AVL9: variants seen among roughly 807,000 people sequenced by gnomAD.
The protein encoded by AVL9 is late secretory pathway protein AVL9 homolog.
Under a neutral mutation model 79.2 loss-of-function variants are expected in AVL9, and 49 were observed. The ratio of observed to expected loss-of-function variants is 0.62; its 90% CI spans 0.49 to 0.79. The LOEUF (loss-of-function observed/expected upper bound fraction) is 0.79. Ranked by LOEUF, AVL9 falls within the 30% of genes least tolerant of loss-of-function variation. The pLI is 0.00. For missense variants in AVL9, 682 were observed against 776.8 expected (o/e 0.88, Z 1.45); for synonymous variants, 299 against 280.6 (o/e 1.07, Z -0.65).
In AVL9 at chr7:32,586,598, C is replaced by T. The variant is rs1213265949; in HGVS notation, c.*2691C>T. On this transcript the variant is annotated 3_prime_UTR_variant, in exon 16 of 16. Transcript: ENST00000318709. Reference sequence around the variant, plus strand: ...AGCACTAGGTCATCTTCTGACATAGCCCTGGTGAAGGTGTGTGTGTGTTGG... The same window carrying T: ...AGCACTAGGTCATCTTCTGACATAGTCCTGGTGAAGGTGTGTGTGTGTTGG... The T allele has an allele frequency of 6.6e-6, 1 of 152,238 alleles. No individual in the cohort carries two copies. Among genetic ancestry groups the T allele is most frequent in the African/African-American group, 2.4e-5 (1 of 41,446 alleles). 9.4% of individuals were successfully genotyped at this position (152,238 alleles called of 1,614,324 possible).
intron 4 of AVL9, among the ~76,000 whole-genome samples, chr7:32,551,124 C>G (rs1347136287): frequency 6.6e-6 from 1 of 152,170 alleles, no homozygotes; most frequent in Non-Finnish European, 1.5e-5. Flanking sequence ...AAGCACTGTA[C>G]TCAGTGTTTC....
At chr7:32,505,814 A>C (rs1277780818) in intron 1 of AVL9, among the ~76,000 whole-genome samples, 1 of 152,142 alleles carries the variant, frequency 6.6e-6, no homozygotes, top group African/African-American at 2.4e-5. Context: ...CTAAGCAAAC[A>C]TTGTGTCTTA....
intron 1 of AVL9, among the ~76,000 whole-genome samples, chr7:32,530,457 ATACT>A (rs1295408420): frequency 3.3e-5 from 5 of 152,358 alleles, no homozygotes; most frequent in Admixed American, 2.6e-4. Context: ...ATATCTGCAA[ATACT>A]TACGTTTCAA....
At chr7:32,546,234 TA>T (rs949562456) in intron 3 of AVL9, among the ~76,000 whole-genome samples, 10 of 152,116 alleles carry the variant, frequency 6.6e-5, no homozygotes, top group Non-Finnish European at 1.5e-4. Context: ...AATATGCAGG[TA>T]AATTTAAAAC....
rs1466353736 is a variant in AVL9, at chr7:32,583,741, C to T, written c.1832-51C>T. ...TAATTATGTTGGTCTTTCACTGTCT[C>T]GTAACAAAAGTTAAGACATTTTTCC... On this transcript the variant is annotated intron_variant, in intron 15 of 15. Transcript: ENST00000318709. 4.7e-5 allele frequency: 56 copies of T among 1,202,536 alleles called. No homozygotes were observed. The East Asian group carries it at 1.1e-3, about 23-fold the overall frequency. The allele number at this position is 1,202,536 out of a possible 1,614,324, so 74.5% of individuals were successfully genotyped here. A position where few individuals can be genotyped will look rare whatever the true frequency, so the allele number is the denominator to read the frequency against.
At chr7:32,525,874 G>T (rs980992133) in intron 1 of AVL9, among the ~76,000 whole-genome samples, 3 of 151,918 alleles carry the variant, frequency 2.0e-5, no homozygotes, top group Non-Finnish European at 4.4e-5. Flanking sequence ...AACTGTTTTT[G>T]GGGGGGAAAA....
At chr7:32,566,866 G>A (rs1051543676) in intron 10 of AVL9, among the ~76,000 whole-genome samples, 2 of 152,194 alleles carry the variant, frequency 1.3e-5, no homozygotes, top group Non-Finnish European at 2.9e-5. Flanking sequence ...TTGGGTGACA[G>A]AGCCAGACTC....
chr7:32,520,459 G>A (rs930410692), intron 1 of AVL9, among the ~76,000 whole-genome samples: 2 of 152,164 alleles, frequency 1.3e-5, no homozygotes, highest in African/African-American at 4.8e-5. Context: ...GGCATAGGAG[G>A]TTATTCCTGA....
At chr7:32,504,592 C>T (rs892526693) in intron 1 of AVL9, among the ~76,000 whole-genome samples, 1 of 152,166 alleles carries the variant, frequency 6.6e-6, no homozygotes, top group Admixed American at 6.5e-5. Context: ...GTTTCTTCAT[C>T]TATAAAATGA....
At chr7:32,555,884 TC>T (rs1790033030) in intron 8 of AVL9, among the ~76,000 whole-genome samples, 1 of 152,318 alleles carries the variant, frequency 6.6e-6, no homozygotes, top group Middle Eastern at 3.4e-3. Flanking sequence ...AGATCTATTT[TC>T]CAAAATTAAT....
At chr7:32,549,918 C>CA (rs56035733) in intron 4 of AVL9, among the ~76,000 whole-genome samples, 80,420 of 130,996 alleles carry the variant, frequency 0.61, 24,214 homozygotes, top group Admixed American at 0.71. Flanking sequence ...GACTCCGTCT[C>CA]AAAAAAAAAA....
chr7:32,568,602 C>A (rs79146256), intron 10 of AVL9, among the ~76,000 whole-genome samples: 1,635 of 152,026 alleles, frequency 0.011, 24 homozygotes, highest in African/African-American at 0.037. Context: ...AGTTTGGATT[C>A]GAGTTTTTTG....
intron 10 of AVL9, among the ~76,000 whole-genome samples, chr7:32,564,274 T>A (rs1790459353): frequency 6.6e-6 from 1 of 152,236 alleles, no homozygotes; most frequent in South Asian, 2.1e-4. Context: ...TTTGGTTTTA[T>A]GTTTTTTGAG....
intron 1 of AVL9, among the ~76,000 whole-genome samples, chr7:32,530,767 G>C (rs2128128371): frequency 1.3e-5 from 2 of 152,216 alleles, no homozygotes; most frequent in Non-Finnish European, 2.9e-5. Flanking sequence ...GACTAACATG[G>C]TAAAACCCCA....
chr7:32,499,020 G>GGACA lies in AVL9; in HGVS notation c.93+3218_93+3219insGACA, dbSNP rs1465843812. On this transcript the variant is annotated intron_variant, in intron 1 of 15. Transcript: ENST00000318709. ...CTCTACTAAAAATACAAAATTAGCT[G>GGACA]CGCGTGGTGGCACATGCCTGTGATC... Among the ~76,000 whole-genome samples, 27 of 73,524 alleles carry GGACA rather than the reference G, an allele frequency of 3.7e-4. 2 individuals are homozygous for GGACA. Among genetic ancestry groups the GGACA allele is most frequent in the African/African-American group, 1.5e-3 (26 of 17,906 alleles). The allele number at this position is 73,524 out of a possible 152,430, so 48.2% of individuals were successfully genotyped here.
At chr7:32,533,386 T>C (rs868809435) in intron 1 of AVL9, 57 of 152,248 alleles carry the variant, frequency 3.7e-4, no homozygotes, top group African/African-American at 1.4e-3. Context: ...GTATACACTT[T>C]ATATTTCTGA....
chr7:32,543,920 T>C (rs1184977062), intron 2 of AVL9, among the ~76,000 whole-genome samples: 2 of 151,896 alleles, frequency 1.3e-5, no homozygotes, highest in African/African-American at 2.4e-5. Flanking sequence ...TTTCTTTTTT[T>C]TTTTTGGAGA....
intron 10 of AVL9, 53 bp from the exon 11 acceptor site, chr7:32,569,967 G>GA: frequency 1.3e-6 from 2 of 1,588,020 alleles, no homozygotes; most frequent in East Asian, 2.2e-5. Flanking sequence ...AGTTTAAAGA[G>GA]AAAGGTAACC....
intron 1 of AVL9, among the ~76,000 whole-genome samples, chr7:32,531,330 T>C (rs1483449831): frequency 1.5e-5 from 2 of 131,890 alleles, no homozygotes; most frequent in African/African-American, 3.0e-5. Flanking sequence ...TTCTTTTTCT[T>C]TCTCTATTTT....
Sources: allele counts gnomAD v4.1 joint callset (sites outside exome capture counted in the v4.1 genomes callset), GRCh38; gene constraint gnomAD v4.1.1; transcripts MANE v1.5; gene names NCBI Gene and HGNC (gene_info 2026-07-23, HGNC 2026-07-21).